SLC39A11: variants seen among roughly 807,000 people sequenced by gnomAD.
SLC39A11 encodes the protein zinc transporter ZIP11.
SLC39A11 carries 33 observed loss-of-function variants against 36.1 expected under a neutral mutation model. That is an observed-to-expected ratio of 0.91 (90% CI 0.69 to 1.22). The LOEUF (loss-of-function observed/expected upper bound fraction) is 1.22. SLC39A11 is among the 50% of genes most tolerant of loss of function. The probability of loss-of-function intolerance (pLI) is 0.00; values close to 1 mark genes in which losing one functional copy is unlikely to be tolerated. For synonymous variants in SLC39A11, 166 were observed against 170.3 expected (o/e 0.97, Z 0.20); for missense variants, 432 against 430.3 (o/e 1.00, Z -0.03).
chr17:73,052,793 C>T (rs561638302), intron 3 of SLC39A11, among the ~76,000 whole-genome samples: 51 of 152,294 alleles, frequency 3.3e-4, no homozygotes, highest in African/African-American at 1.2e-3. Context: ...CTCCACCTCC[C>T]GGGTTCAAGC....
intron 5 of SLC39A11, among the ~76,000 whole-genome samples, chr17:72,898,338 A>G (rs111775216): frequency 0.011 from 1,678 of 152,316 alleles, 40 homozygotes; most frequent in African/African-American, 0.037. Flanking sequence ...AGGACGCTTC[A>G]GGCCTCCCGG....
At chr17:72,951,962 G>A (rs1055694209) in intron 4 of SLC39A11, among the ~76,000 whole-genome samples, 2 of 152,048 alleles carry the variant, frequency 1.3e-5, no homozygotes, top group Non-Finnish European at 2.9e-5. Context: ...TTTCGGGGCA[G>A]GGAGACGAGC....
intron 4 of SLC39A11, among the ~76,000 whole-genome samples, chr17:72,962,515 C>A (rs1052092150): frequency 3.3e-5 from 5 of 152,096 alleles, no homozygotes; most frequent in African/African-American, 1.2e-4. Flanking sequence ...CTAGAGGCTG[C>A]CCTTGGGTTT....
At chr17:72,891,646 C>T (rs187129267) in intron 5 of SLC39A11, among the ~76,000 whole-genome samples, 52 of 152,026 alleles carry the variant, frequency 3.4e-4, no homozygotes, top group Admixed American at 1.5e-3. Context: ...GCCATTACCT[C>T]GCTTTTACTT....
At chr17:72,998,379 C>A (rs878923139) in intron 4 of SLC39A11, among the ~76,000 whole-genome samples, 4 of 152,170 alleles carry the variant, frequency 2.6e-5, no homozygotes, top group Admixed American at 2.6e-4. Context: ...CAAAGTCATG[C>A]ACCAATTTTA....
chr17:72,765,722 C>T (rs2075736812), intron 6 of SLC39A11, among the ~76,000 whole-genome samples: 2 of 152,134 alleles, frequency 1.3e-5, no homozygotes, highest in South Asian at 2.1e-4. Flanking sequence ...AGGTCAATGG[C>T]GAGGTGGCTA....
chr17:73,029,363 G>A (rs1481955290), intron 4 of SLC39A11, among the ~76,000 whole-genome samples: 1 of 151,996 alleles, frequency 6.6e-6, no homozygotes, highest in Non-Finnish European at 1.5e-5. Context: ...GCCATGCAGA[G>A]CCACTGAGCC....
At chr17:72,985,407 CTTTT>C (rs386386576) in intron 4 of SLC39A11, among the ~76,000 whole-genome samples, 2 of 78,926 alleles carry the variant, frequency 2.5e-5, no homozygotes, top group South Asian at 5.9e-4. Flanking sequence ...TGGGGCCTGC[CTTTT>C]TTTTTTTTTT....
At chr17:72,843,184 G>A (rs2078897030) in intron 6 of SLC39A11, among the ~76,000 whole-genome samples, 1 of 152,074 alleles carries the variant, frequency 6.6e-6, no homozygotes, top group Non-Finnish European at 1.5e-5. Flanking sequence ...TCCTGACCTC[G>A]TGATCTGCCT....
intron 4 of SLC39A11, among the ~76,000 whole-genome samples, chr17:73,011,599 C>T (rs1026902101): frequency 2.5e-4 from 37 of 150,878 alleles, no homozygotes; most frequent in African/African-American, 8.7e-4. Context: ...TCCTGCTATA[C>T]GACAGCATAA....
intron 5 of SLC39A11, among the ~76,000 whole-genome samples, chr17:72,915,534 T>A (rs1214006760): frequency 6.6e-6 from 1 of 152,192 alleles, no homozygotes; most frequent in Non-Finnish European, 1.5e-5. Flanking sequence ...GAAATGCAAC[T>A]CATACATCCT....
intron 7 of SLC39A11, among the ~76,000 whole-genome samples, chr17:72,700,734 G>A (rs2072569940): frequency 6.6e-6 from 1 of 152,234 alleles, no homozygotes; most frequent in Non-Finnish European, 1.5e-5. Context: ...TGGATGGGGA[G>A]GCCTCACAGT....
rs565556686 is a variant in SLC39A11, at chr17:72,978,670, G to A, written c.307-30795C>T. 9.9e-5 allele frequency among the ~76,000 whole-genome samples: 15 copies of A among 152,240 alleles called. No homozygotes were observed. The East Asian group carries it at 2.9e-3, about 29-fold the overall frequency. ...GGAGCATGGAAGTGGAGGTGAGGGA[G>A]TAAGGGGGACCAGTCAGGAGGCCAG... On this transcript the variant is annotated intron_variant, in intron 4 of 9. Coordinates refer to ENST00000255559, the MANE Select transcript of SLC39A11 (RefSeq NM_139177.4).
At chr17:72,788,329 T>G (rs1240748085) in intron 6 of SLC39A11, among the ~76,000 whole-genome samples, 1 of 152,228 alleles carries the variant, frequency 6.6e-6, no homozygotes, top group African/African-American at 2.4e-5. Flanking sequence ...CATTTCCCCT[T>G]GTTTCCATGC....
chr17:72,783,331 C>A (rs2076391267), intron 6 of SLC39A11, among the ~76,000 whole-genome samples: 1 of 152,206 alleles, frequency 6.6e-6, no homozygotes, highest in East Asian at 1.9e-4. Flanking sequence ...ACTGAGACAA[C>A]CAGGCAGGGA....
At chr17:73,091,401 G>A (rs2060919521) in intron 1 of SLC39A11, among the ~76,000 whole-genome samples, 1 of 151,892 alleles carries the variant, frequency 6.6e-6, no homozygotes, top group African/African-American at 2.4e-5. Flanking sequence ...CCGAGATCGC[G>A]CCACTGCACT....
At chr17:72,860,172 T>C (rs2079901731) in intron 5 of SLC39A11, among the ~76,000 whole-genome samples, 2 of 151,548 alleles carry the variant, frequency 1.3e-5, no homozygotes, top group African/African-American at 4.9e-5. Flanking sequence ...TATGACAGAG[T>C]AGTCCTGCAC....
At chr17:73,056,002 G>T (rs2059653959) in intron 3 of SLC39A11, among the ~76,000 whole-genome samples, 1 of 152,114 alleles carries the variant, frequency 6.6e-6, no homozygotes, top group Admixed American at 6.5e-5. Flanking sequence ...TGCTGTAATT[G>T]TCTTTCTGAT....
chr17:73,025,201 C>T (rs2058493342), intron 4 of SLC39A11, among the ~76,000 whole-genome samples: 1 of 152,136 alleles, frequency 6.6e-6, no homozygotes, highest in Non-Finnish European at 1.5e-5. Context: ...TCCTGGAGCC[C>T]GTCTGGGCAG....
Sources: allele counts gnomAD v4.1 joint callset (sites outside exome capture counted in the v4.1 genomes callset), GRCh38; gene constraint gnomAD v4.1.1; transcripts MANE v1.5; gene names NCBI Gene and HGNC (gene_info 2026-07-23, HGNC 2026-07-21).